NCOR2: variants seen among roughly 807,000 people sequenced by gnomAD.
NCOR2 encodes CTG repeat protein 26.
A neutral mutation model predicts 262.9 loss-of-function variants in NCOR2; 81 were observed. That is an observed-to-expected ratio of 0.31 (90% CI 0.26 to 0.37). NCOR2 has a LOEUF of 0.37. NCOR2 is among the 10% of genes least tolerant of loss of function. The pLI, the probability that NCOR2 is intolerant of heterozygous loss-of-function variation, is 1.00. For missense variants in NCOR2, 3,385 were observed against 3,621.4 expected (o/e 0.93, Z 1.68); for synonymous variants, 1,659 against 1,559.3 (o/e 1.06, Z -1.51).
At chr12:124,333,915 TGTGCATGTGTGTGC>T (rs1566353880) in intron 41 of NCOR2, among the ~76,000 whole-genome samples, 4 of 84,464 alleles carry the variant, frequency 4.7e-5, no homozygotes, top group Admixed American at 1.2e-4. Context: ...TGTGTGCGGG[TGTGCATGTGTGTGC>T]GCGCGCATGT....
chr12:124,466,056 G>A, intron 5 of NCOR2, 117 bp downstream of exon 7: 1 of 972,880 alleles, frequency 1.0e-6, no homozygotes, highest in Non-Finnish European at 1.5e-6. Flanking sequence ...TGGGGGAGAG[G>A]GTGGCGAGGT....
chr12:124,417,996 G>A (rs2042999407), intron 13 of NCOR2, among the ~76,000 whole-genome samples: 1 of 151,914 alleles, frequency 6.6e-6, no homozygotes, highest in Non-Finnish European at 1.5e-5. Flanking sequence ...AGGAGGCAGA[G>A]GTTGCAGTGA....
In NCOR2 at chr12:124,548,406, A is replaced by C. The variant is rs1478401892; in HGVS notation, c.-164-12795T>G. Among the ~76,000 whole-genome samples the C allele has an allele frequency of 6.6e-6, 1 of 152,148 alleles. No individual in the cohort carries two copies. Among genetic ancestry groups the C allele is most frequent in the Non-Finnish European group, 1.5e-5 (1 of 68,022 alleles). On this transcript the variant is annotated intron_variant, in intron 1 of 32. Coordinates refer to the NCOR2 transcript ENST00000458234. This position sits in a 1 kb window ranked among gnomAD's most constrained non-coding sequence, Gnocchi z 5.1. ...TCCCTCTGGCTGCAACTCAGAGACC[A>C]GACAGGTGTGACCAGAGTGGACTGG...
chr12:124,549,803 C>T lies in NCOR2; in HGVS notation c.-164-14192G>A, dbSNP rs116009141. ...ACGGAGGGAGAGAGGGCGGCAGGAA[C>T]GGGGCCTTGAGTCACCACCCTATCC... is the stretch of plus-strand genomic sequence containing the variant. On this transcript the variant is annotated intron_variant, in intron 1 of 32. Coordinates refer to the NCOR2 transcript ENST00000458234. The surrounding 1 kb of genome is among the most constrained non-coding windows in gnomAD (Gnocchi z 4.4). Among the ~76,000 whole-genome samples, 1,039 of 152,258 alleles carry T rather than the reference C, an allele frequency of 6.8e-3. 14 individuals are homozygous for T. The highest frequency in any genetic ancestry group is 0.023 in the African/African-American group (937 of 41,546).
Position 124,337,183 on chromosome 12 carries a change from G to T in NCOR2, c.5688-3C>A. On this transcript the variant is annotated splice_polypyrimidine_tract_variant and splice_region_variant and intron_variant, in intron 37 of 46. Transcript: ENST00000405201. ...CGGGTGAGGAGGTGGAGGTGGACCT[G>T]GGGGAGGAGAGAAGGCGGTCAGGCA... is the stretch of plus-strand genomic sequence containing the variant. 1 of 1,544,224 alleles carries T rather than the reference G, an allele frequency of 6.5e-7. No homozygotes were observed.
intron 1 of NCOR2, among the ~76,000 whole-genome samples, chr12:124,528,028 G>A (rs1318301067): frequency 6.6e-6 from 1 of 152,198 alleles, no homozygotes; most frequent in Non-Finnish European, 1.5e-5. Flanking sequence ...TGCTGAATCA[G>A]GATGGCCCGA....
intron 37 of NCOR2, among the ~76,000 whole-genome samples, chr12:124,338,365 G>A (rs146989411): frequency 0.019 from 2,833 of 152,128 alleles, 107 homozygotes; most frequent in South Asian, 0.097. Flanking sequence ...AAAATTAGCC[G>A]GGTGTGGTTG....
intron 33 of NCOR2, 70 bp downstream of exon 35, chr12:124,342,935 G>A: frequency 6.5e-7 from 1 of 1,538,434 alleles, no homozygotes; most frequent in Non-Finnish European, 8.8e-7. Flanking sequence ...GAGTCCCTGA[G>A]CGAACACTGA....
intron 3 of NCOR2, among the ~76,000 whole-genome samples, chr12:124,479,550 C>A (rs1260507890): frequency 6.6e-6 from 1 of 152,140 alleles, no homozygotes; most frequent in South Asian, 2.1e-4. Context: ...CGCACCCACA[C>A]ACAAACGCGC....
At chr12:124,428,086 T>TGTGTGTGTGTGTGTGTGTGTGCGCGC (rs958627720) in intron 10 of NCOR2, among the ~76,000 whole-genome samples, 16 of 147,054 alleles carry the variant, frequency 1.1e-4, no homozygotes, top group Non-Finnish European at 1.8e-4. Context: ...TGTGTGTGTG[T>TGTGTGTGTGTGTGTGTGTGTGCGCGC]GTACATGCAA....
chr12:124,436,182 C>T (rs555886279), intron 8 of NCOR2, among the ~76,000 whole-genome samples: 55 of 152,310 alleles, frequency 3.6e-4, no homozygotes, highest in African/African-American at 1.2e-3. Context: ...CACCCTGTCC[C>T]GGCCCATTTC....
intron 1 of NCOR2, among the ~76,000 whole-genome samples, chr12:124,564,011 A>G (rs117089640): frequency 0.011 from 1,706 of 152,342 alleles, 16 homozygotes; most frequent in Middle Eastern, 0.027. Context: ...TTCACCATCT[A>G]TAAAATAAGA....
At chr12:124,354,918 C>G in exon 25 of NCOR2, 1 of 1,612,836 alleles carries the variant, frequency 6.2e-7, no homozygotes, top group Non-Finnish European at 8.5e-7. Flanking sequence ...GAGTACGGGA[C>G]GTGGAGCTGG....
intron 1 of NCOR2, among the ~76,000 whole-genome samples, chr12:124,487,959 A>T (rs1248889569): frequency 6.6e-6 from 1 of 151,874 alleles, no homozygotes; most frequent in East Asian, 1.9e-4. Flanking sequence ...CCAATAGATT[A>T]GTTCTGTCTG....
chr12:124,356,717 G>A (rs2037983152), exon 23 of NCOR2: 15 of 1,499,290 alleles, frequency 1.0e-5, no homozygotes, highest in Non-Finnish European at 1.1e-5. Flanking sequence ...GGGGGCACGG[G>A]GAAGGGCAGG....
intron 37 of NCOR2, among the ~76,000 whole-genome samples, chr12:124,337,669 A>G (rs898131848): frequency 3.3e-5 from 5 of 152,216 alleles, no homozygotes; most frequent in Admixed American, 1.3e-4. Flanking sequence ...AGAGCTAAAA[A>G]AGCCACGTGA....
intron 1 of NCOR2, among the ~76,000 whole-genome samples, chr12:124,494,020 C>T (rs537253535): frequency 1.8e-4 from 27 of 152,192 alleles, no homozygotes; most frequent in Non-Finnish European, 3.5e-4. Context: ...AAGAGGGATC[C>T]ACAACGCACC....
intron 13 of NCOR2, among the ~76,000 whole-genome samples, chr12:124,411,131 G>A (rs1037551581): frequency 6.6e-6 from 1 of 151,218 alleles, no homozygotes; most frequent in African/African-American, 2.4e-5. Context: ...CTTAGATGGG[G>A]GAAAGAGAGA....
At chr12:124,381,182 C>G (rs1401189864) in intron 17 of NCOR2, among the ~76,000 whole-genome samples, 1 of 152,142 alleles carries the variant, frequency 6.6e-6, no homozygotes, top group African/African-American at 2.4e-5. Context: ...CCCCTCTCCC[C>G]TCCTCAGAGA....
Sources: allele counts gnomAD v4.1 joint callset (sites outside exome capture counted in the v4.1 genomes callset), GRCh38; gene constraint gnomAD v4.1.1; non-coding constraint Gnocchi (gnomAD v3.1); transcripts MANE v1.5; gene names NCBI Gene and HGNC (gene_info 2026-07-23, HGNC 2026-07-21).